The following TBCD variants were observed in gnomAD, a reference collection of about 807,000 sequenced individuals.
TBCD encodes the protein tubulin folding cofactor D, also known as tubulin-specific chaperone D.
TBCD carries 105 observed loss-of-function variants against 169.3 expected under a neutral mutation model. That is an observed-to-expected ratio of 0.62 (90% CI 0.53 to 0.73). The LOEUF is 0.73. TBCD is among the 30% of genes least tolerant of loss of function. The probability of loss-of-function intolerance (pLI) is 0.00; values close to 1 mark genes in which losing one functional copy is unlikely to be tolerated. For missense variants in TBCD, 1,444 were observed against 1,600.1 expected (o/e 0.90, Z 1.66); for synonymous variants, 700 against 643.9 (o/e 1.09, Z -1.32).
At chr17:82,891,149 G>C (rs1224393304) in intron 16 of TBCD, among the ~76,000 whole-genome samples, 1 of 152,244 alleles carries the variant, frequency 6.6e-6, no homozygotes, top group Non-Finnish European at 1.5e-5. Context: ...GAGCAGCCCA[G>C]TCGCATAGGG....
chr17:82,904,339 T>C (rs1352713565), intron 19 of TBCD, among the ~76,000 whole-genome samples: 59 of 117,322 alleles, frequency 5.0e-4, no homozygotes, highest in East Asian at 1.5e-3. Context: ...ACGACACTCC[T>C]TGGTCTCTAG....
intron 7 of TBCD, chr17:82,795,621 C>T (rs971098715): frequency 9.5e-5 from 94 of 985,110 alleles, no homozygotes; most frequent in Non-Finnish European, 1.1e-4. Flanking sequence ...TTCAGCCGCT[C>T]GCAGGTTCAT....
rs1598618016 is a variant in TBCD, at chr17:82,807,165, AG to A, written c.1088-441del. Among the ~76,000 whole-genome samples the A allele has an allele frequency of 3.3e-5, 5 of 152,284 alleles. No individual in the cohort carries two copies. The East Asian group carries it at 9.7e-4, about 29-fold the overall frequency. ...GACCTGACCCCTCCCTGCATCCTCT[AG>A]GCTTCTGTGTGGTTCTTAAAAGTTC... On this transcript the variant is annotated intron_variant, in intron 10 of 38. Transcript: ENST00000355528.
intron 10 of TBCD, among the ~76,000 whole-genome samples, chr17:82,807,158 A>G (rs1055735456): frequency 3.7e-4 from 56 of 152,222 alleles, no homozygotes; most frequent in Admixed American, 3.7e-3. Context: ...CCCTCCCTGC[A>G]TCCTCTAGGC....
chr17:82,901,775 C>T (rs567230578), intron 18 of TBCD, among the ~76,000 whole-genome samples: 27 of 152,340 alleles, frequency 1.8e-4, no homozygotes, highest in Admixed American at 1.2e-3. Flanking sequence ...GGGGAAGACC[C>T]TCCCTTCATT....
rs1237706606 is a variant in TBCD at position 82,758,401 on chromosome 17, A to AT, written c.235+2186_235+2187insT. Among the ~76,000 whole-genome samples the AT allele has an allele frequency of 7.3e-5, 6 of 82,388 alleles. No homozygotes were observed. The Admixed American group carries it at 8.0e-4, about 11-fold the overall frequency. The allele number at this position is 82,388 out of a possible 152,430, so 54.0% of individuals were successfully genotyped here. ...ACGTCTCGGAAAAAAAAAAAAAAAAAAATAAATAAATAAATAAATTTTTTT... is the reference window on the plus strand; with the variant it reads ...ACGTCTCGGAAAAAAAAAAAAAAAAATAATAAATAAATAAATAAATTTTTTT... On this transcript the variant is annotated intron_variant, in intron 2 of 38. Transcript: ENST00000355528.
intron 14 of TBCD, among the ~76,000 whole-genome samples, chr17:82,871,664 G>A (rs1006978453): frequency 3.9e-5 from 6 of 152,196 alleles, no homozygotes; most frequent in Admixed American, 6.5e-5. Flanking sequence ...TGGGCGGGGC[G>A]GGGCGCCGGT....
At chr17:82,899,170 G>A (rs7215490) in intron 17 of TBCD, among the ~76,000 whole-genome samples, 42,406 of 150,768 alleles carry the variant, frequency 0.28, 6,093 homozygotes, top group African/African-American at 0.34. Context: ...TCCGCAGTGC[G>A]CGCGTCCTCG....
intron 14 of TBCD, chr17:82,877,034 A>G (rs2058025001): frequency 1.1e-6 from 1 of 925,624 alleles, no homozygotes; most frequent in Non-Finnish European, 1.3e-6. Context: ...TTCTTTCTTC[A>G]TTAATCAATG....
At chr17:82,860,914 G>A (rs956846274) in intron 13 of TBCD, among the ~76,000 whole-genome samples, 1 of 152,178 alleles carries the variant, frequency 6.6e-6, no homozygotes, top group African/African-American at 2.4e-5. Context: ...GACACAGGGC[G>A]GCCACCGCAT....
chr17:82,893,754 G>T (rs1476246989), intron 17 of TBCD, 122 bp downstream of exon 17: 5 of 739,224 alleles, frequency 6.8e-6, no homozygotes, highest in Non-Finnish European at 1.1e-5. Context: ...TGTAGTTTTT[G>T]TGTGAAAAAT....
intron 7 of TBCD, among the ~76,000 whole-genome samples, chr17:82,788,358 G>A (rs1309205347): frequency 6.6e-6 from 1 of 152,114 alleles, no homozygotes; most frequent in Admixed American, 6.6e-5. Flanking sequence ...TGTGTGGAGT[G>A]GGTTTCTCCC....
intron 13 of TBCD, among the ~76,000 whole-genome samples, chr17:82,841,378 T>G (rs995343175): frequency 5.9e-5 from 9 of 151,586 alleles, no homozygotes; most frequent in Admixed American, 5.3e-4. Context: ...AGTGCAGTGG[T>G]GCGATCACGG....
intron 13 of TBCD, among the ~76,000 whole-genome samples, chr17:82,869,482 T>C (rs770340973): frequency 7.2e-5 from 11 of 152,142 alleles, no homozygotes; most frequent in Non-Finnish European, 1.5e-4. Flanking sequence ...ATTGTGGCAC[T>C]GCACTCCAGC....
chr17:82,789,907 T>C lies in TBCD; in HGVS notation c.772-7850T>C, dbSNP rs190695731. Among the ~76,000 whole-genome samples, 3 of 152,346 alleles carry C rather than the reference T, an allele frequency of 2.0e-5. No individual in the cohort carries two copies. The highest frequency in any genetic ancestry group is 7.2e-5 in the African/African-American group (3 of 41,582). ...GAGCCCAGCAACAAATGGGAGCTTCTGTGCTGCTGTCCGTGCATACGGCCC... is the reference window on the plus strand; with the variant it reads ...GAGCCCAGCAACAAATGGGAGCTTCCGTGCTGCTGTCCGTGCATACGGCCC... On this transcript the variant is annotated intron_variant, in intron 7 of 38. Transcript: ENST00000355528. The surrounding 1 kb of genome is among the most constrained non-coding windows in gnomAD (Gnocchi z 4.8).
intron 14 of TBCD, among the ~76,000 whole-genome samples, chr17:82,873,544 G>T (rs1263096333): frequency 1.3e-5 from 2 of 152,224 alleles, no homozygotes. Context: ...GCTACTGGAC[G>T]GGGCTGGCAG....
intron 2 of TBCD, among the ~76,000 whole-genome samples, chr17:82,759,981 G>T (rs1001887255): frequency 6.6e-6 from 1 of 151,000 alleles, no homozygotes; most frequent in African/African-American, 2.4e-5. Flanking sequence ...CCGCCTCCCA[G>T]GTTCAAGAGA....
intron 1 of TBCD, among the ~76,000 whole-genome samples, chr17:82,755,716 G>A (rs1365169886): frequency 6.6e-6 from 1 of 152,166 alleles, no homozygotes; most frequent in African/African-American, 2.4e-5. Flanking sequence ...CTGTTAGATG[G>A]CTAGGGGGCT....
intron 21 of TBCD, 53 bp from the exon 22 acceptor site, chr17:82,909,232 C>A: frequency 7.6e-7 from 1 of 1,324,178 alleles, no homozygotes; most frequent in South Asian, 1.3e-5. Context: ...TTAACGTATA[C>A]GTATTATTTT....
Sources: gnomAD v4.1 joint callset for allele counts (sites outside exome capture counted in the v4.1 genomes callset) on GRCh38, gnomAD v4.1.1 for gene constraint, Gnocchi (gnomAD v3.1) non-coding constraint, MANE v1.5 for transcripts, NCBI Gene and HGNC (gene_info 2026-07-23, HGNC 2026-07-21) for gene names.